Variants in HIVEP3 observed in about 807,000 individuals in gnomAD.
HIVEP3 encodes the protein HIVEP zinc finger 3, also known as transcription factor HIVEP3.
HIVEP3 carries 49 observed loss-of-function variants against 152.8 expected under a neutral mutation model. The observed-to-expected ratio is 0.32, with a 90% CI of 0.26 to 0.41. The LOEUF is 0.41. HIVEP3 is among the 10% of genes least tolerant of loss of function. The pLI, the probability that HIVEP3 is intolerant of heterozygous loss-of-function variation, is 1.00. For missense variants in HIVEP3, 2,790 were observed against 3,103.3 expected (o/e 0.90, Z 2.40); for synonymous variants, 1,269 against 1,289.0 (o/e 0.98, Z 0.33).
At chr1:41,884,211 C>G (rs909699456) in intron 1 of HIVEP3, among the ~76,000 whole-genome samples, 1 of 152,172 alleles carries the variant, frequency 6.6e-6, no homozygotes, top group African/African-American at 2.4e-5. Context: ...AGTGATCCAC[C>G]CACCTTGACC....
chr1:41,859,127 G>T (rs932970294), intron 1 of HIVEP3, among the ~76,000 whole-genome samples: 1 of 152,158 alleles, frequency 6.6e-6, no homozygotes, highest in Non-Finnish European at 1.5e-5. Context: ...TTAGAAGAAT[G>T]CCCAGCACAC....
chr1:41,954,013 G>A (rs1265186971), intron 1 of HIVEP3, among the ~76,000 whole-genome samples: 1 of 152,144 alleles, frequency 6.6e-6, no homozygotes, highest in Non-Finnish European at 1.5e-5. Flanking sequence ...TGTGTAACTG[G>A]TTCTCTACCC....
rs139467715 is a variant in HIVEP3, at chr1:41,946,726, C to T, written n.120-28202G>A. On this transcript the variant is annotated intron_variant and non_coding_transcript_variant, in intron 1 of 3. Transcript: ENST00000489103. ...GGACAATATGGACAAGCAAAGAATG[C>T]CCGTCCTGTTCAAGTTAAACTAAAG... Among the ~76,000 whole-genome samples, 492 of 152,158 alleles carry T rather than the reference C, an allele frequency of 3.2e-3. 3 individuals carry two copies. The highest frequency in any genetic ancestry group is 0.011 in the African/African-American group (470 of 41,484).
intron 1 of HIVEP3, among the ~76,000 whole-genome samples, chr1:41,942,173 A>G (rs1293620285): frequency 6.6e-6 from 1 of 152,142 alleles, no homozygotes; most frequent in Non-Finnish European, 1.5e-5. Context: ...AACTTCAACC[A>G]CCATCTTTAT....
intron 1 of HIVEP3, among the ~76,000 whole-genome samples, chr1:41,989,301 T>A (rs190724051): frequency 1.1e-3 from 169 of 150,018 alleles, no homozygotes; most frequent in Middle Eastern, 3.4e-3. Flanking sequence ...TATGTGTACA[T>A]ATATATATAC....
intron 1 of HIVEP3, among the ~76,000 whole-genome samples, chr1:41,730,615 A>C (rs1318248996): frequency 6.6e-6 from 1 of 152,244 alleles, no homozygotes; most frequent in Non-Finnish European, 1.5e-5. Context: ...GCCAGGGTGC[A>C]ATCTATCTAA....
intron 1 of HIVEP3, among the ~76,000 whole-genome samples, chr1:41,789,892 A>C (rs936168025): frequency 1.3e-5 from 2 of 152,224 alleles, no homozygotes; most frequent in Admixed American, 6.5e-5. Context: ...ACATTTAAAT[A>C]AGTACACACA....
intron 1 of HIVEP3, among the ~76,000 whole-genome samples, chr1:41,863,486 T>C (rs1643915090): frequency 3.9e-5 from 6 of 152,062 alleles, no homozygotes; most frequent in Admixed American, 3.3e-4. Context: ...GGGGAGGTGA[T>C]ACCATGTGCC....
chr1:41,673,145 C>T (rs1294913671), intron 2 of HIVEP3, among the ~76,000 whole-genome samples: 2 of 152,180 alleles, frequency 1.3e-5, no homozygotes, highest in Admixed American at 1.3e-4. Context: ...TGGGGCTCAG[C>T]TCCCTCCCTA....
chr1:41,729,753 G>A (rs1646811694), intron 1 of HIVEP3, among the ~76,000 whole-genome samples: 1 of 152,202 alleles, frequency 6.6e-6, no homozygotes, highest in Non-Finnish European at 1.5e-5. Flanking sequence ...TGTTCCTCTA[G>A]TTACCTCCAA....
Position 41,568,750 on chromosome 1 carries a change from T to G in HIVEP3, c.5207+6794A>C, listed in dbSNP as rs1010666445. The stretch of plus-strand genomic sequence containing the variant: ...GCATCTAGAAAAATGAAACTGCCTA[T>G]GCAGAATGTCCATCTTGCTTAACTG... On this transcript the variant is annotated intron_variant, in intron 5 of 8. Transcript: ENST00000372583. Among the ~76,000 whole-genome samples, 3 of 152,256 alleles carry G rather than the reference T, an allele frequency of 2.0e-5. No homozygotes were observed. In the East Asian group the frequency reaches 5.8e-4, roughly 29 times the overall value.
chr1:41,766,192 T>C (rs1352604898), intron 1 of HIVEP3, among the ~76,000 whole-genome samples: 1 of 152,220 alleles, frequency 6.6e-6, no homozygotes, highest in African/African-American at 2.4e-5. Context: ...CTGGAGTTAG[T>C]GCAGTGCTTT....
chr1:41,867,975 A>G (rs951508593), intron 1 of HIVEP3, among the ~76,000 whole-genome samples: 1 of 143,144 alleles, frequency 7.0e-6, no homozygotes, highest in Non-Finnish European at 1.5e-5. Context: ...CTCACTCAAA[A>G]TAAAAGCCAA....
chr1:41,530,824 A>G (rs755753545), intron 5 of HIVEP3, among the ~76,000 whole-genome samples: 13 of 152,192 alleles, frequency 8.5e-5, no homozygotes, highest in Admixed American at 3.3e-4. Context: ...CTTAAATGGT[A>G]CATGGTCTTT....
upstream of HIVEP3, among the ~76,000 whole-genome samples, chr1:41,922,415 G>T (rs181926663): frequency 5.1e-4 from 77 of 152,048 alleles, no homozygotes; most frequent in African/African-American, 1.6e-3. Flanking sequence ...AAAAAGAAAG[G>T]TATGTTCAAA....
intron 3 of HIVEP3, among the ~76,000 whole-genome samples, chr1:41,610,253 C>T (rs957076739): frequency 5.3e-5 from 8 of 152,216 alleles, no homozygotes; most frequent in African/African-American, 1.7e-4. Flanking sequence ...AATCCTTCAG[C>T]GAGCTTTCTA....
At chr1:41,920,250 C>A (rs894600269), upstream of HIVEP3, among the ~76,000 whole-genome samples, 1 of 152,176 alleles carries the variant, frequency 6.6e-6, no homozygotes, top group Non-Finnish European at 1.5e-5. Context: ...ACCAGCCACA[C>A]AGCGTGGAGC....
Position 41,813,225 on chromosome 1 carries a change from A to G in HIVEP3, c.-801+105188T>C, listed in dbSNP as rs1651070896. 3.3e-5 allele frequency among the ~76,000 whole-genome samples: 5 copies of G among 152,108 alleles called. No individual in the cohort carries two copies. The South Asian group carries it at 1.0e-3, about 32-fold the overall frequency. On this transcript the variant is annotated intron_variant, in intron 1 of 8. Coordinates refer to ENST00000372583, the MANE Select transcript of HIVEP3 (RefSeq NM_024503.5). The stretch of plus-strand genomic sequence containing the variant: ...GCTCTGGGTTCCATGGCCAGTAAGA[A>G]GCAGAAGTGGGACTGGAGTCCAGTC...
At chr1:41,589,204 C>T (rs1449345064) in intron 3 of HIVEP3, among the ~76,000 whole-genome samples, 1 of 152,192 alleles carries the variant, frequency 6.6e-6, no homozygotes, top group Non-Finnish European at 1.5e-5. Context: ...GCTGGGCCAA[C>T]AGAGGCCTGA....
Sources: allele counts gnomAD v4.1 joint callset (sites outside exome capture counted in the v4.1 genomes callset), GRCh38; gene constraint gnomAD v4.1.1; transcripts MANE v1.5; gene names NCBI Gene and HGNC (gene_info 2026-07-23, HGNC 2026-07-21).